Variants in POM121 observed in about 807,000 individuals in gnomAD.
POM121 encodes the protein nuclear envelope pore membrane protein POM 121.
POM121 carries 32 observed loss-of-function variants against 81.3 expected under a neutral mutation model. That is an observed-to-expected ratio of 0.39 (90% CI 0.30 to 0.53). POM121 has a LOEUF of 0.53. POM121 is among the 20% of genes least tolerant of loss of function. The pLI is 0.66. For missense variants in POM121, 1,138 were observed against 1,614.6 expected, an observed-to-expected ratio of 0.70 and a Z score of 5.06; for synonymous variants, 514 against 694.2, an observed-to-expected ratio of 0.74 and a Z score of 4.08.
exon 2 of POM121, chr7:72,890,683 A>T (rs1791217540): frequency 1.4e-5 from 22 of 1,601,392 alleles, no homozygotes; most frequent in Non-Finnish European, 1.8e-5. Flanking sequence ...AGTGGTGGCA[A>T]CTGGACCCTG....
At chr7:72,894,438 C>G (rs1169583223) in intron 3 of POM121, among the ~76,000 whole-genome samples, 1 of 151,724 alleles carries the variant, frequency 6.6e-6, no homozygotes, top group African/African-American at 2.4e-5. Context: ...ATTAGCTGGG[C>G]GTGGTGGCAG....
chr7:72,935,885 T>C (rs1450545796), intron 5 of POM121, among the ~76,000 whole-genome samples: 1 of 152,264 alleles, frequency 6.6e-6, no homozygotes, highest in African/African-American at 2.4e-5. Context: ...ACTGATTTTG[T>C]ATTCAGAAAG....
At chr7:72,895,630 A>G (rs1554491614) in intron 3 of POM121, among the ~76,000 whole-genome samples, 1 of 152,206 alleles carries the variant, frequency 6.6e-6, no homozygotes, top group African/African-American at 2.4e-5. Flanking sequence ...ATCTAAATAT[A>G]TCATTTAGGC....
chr7:72,880,235 C>T (rs1554489091), intron 1 of POM121, among the ~76,000 whole-genome samples: 1 of 152,158 alleles, frequency 6.6e-6, no homozygotes, highest in East Asian at 1.9e-4. Flanking sequence ...TGCTGATCAC[C>T]CCCTTATATC....
At chr7:72,879,709 C>T (rs1485905995) in exon 1 of POM121, 1 of 447,934 alleles carries the variant, frequency 2.2e-6, no homozygotes, top group Non-Finnish European at 4.4e-6. Context: ...GATCTGGGCC[C>T]CGAGAAGGAC....
rs782691512 is a variant in POM121 at position 72,943,086 on chromosome 7, C to T, written c.3093C>T (p.Gly1031=). Residue 1031 remains glycine (G), a synonymous_variant, in exon 11 of 13, where the codon GGC becomes GGT. Transcript: ENST00000434423. ...CTACGCCCATCCATCCTATCTTTGG[C>T]GGTGCCACGCACTCGGCGTTTGGGT... is the stretch of plus-strand genomic sequence containing the variant. ...YVPTPIHPIF[G]GATHSAFGLK... is the part of the protein sequence containing the mutation. The T allele has an allele frequency of 2.3e-5, 37 of 1,613,618 alleles. No individual in the cohort carries two copies. Among genetic ancestry groups the T allele is most frequent in the South Asian group, 6.6e-5 (6 of 91,082 alleles).
At position 72,927,778 on chromosome 7, in the gene POM121, T is replaced by C. The variant is rs190683081; in HGVS notation, c.1023-607T>C. ...TGGAATAAATAAATAGTTTTCTAAG[T>C]ATAGAAAGAAAGGAAGTTGAAGTGG... is the stretch of plus-strand genomic sequence containing the variant. On this transcript the variant is annotated intron_variant, in intron 3 of 12. Coordinates refer to ENST00000434423, the MANE Select transcript of POM121 (RefSeq NM_001387691.1). 2.7e-4 allele frequency among the ~76,000 whole-genome samples: 41 copies of C among 152,022 alleles called. No individual in the cohort carries two copies. The East Asian group carries it at 7.6e-3, about 28-fold the overall frequency.
intron 3 of POM121, among the ~76,000 whole-genome samples, chr7:72,913,171 T>C (rs1793969579): frequency 6.6e-6 from 1 of 151,970 alleles, no homozygotes; most frequent in Non-Finnish European, 1.5e-5. Context: ...TGGGAGAAAA[T>C]CAGCTCCATC....
chr7:72,888,489 C>T (rs1480398685), intron 1 of POM121, among the ~76,000 whole-genome samples: 4 of 152,210 alleles, frequency 2.6e-5, no homozygotes, highest in African/African-American at 9.6e-5. Context: ...GGATTACAGG[C>T]GTGAGCCACT....
At position 72,905,228 on chromosome 7, in the gene POM121, A is replaced by T. The variant is rs556240936; in HGVS notation, c.-215-8537A>T. Among the ~76,000 whole-genome samples the T allele has an allele frequency of 3.3e-3, 506 of 152,266 alleles. 4 individuals are homozygous for T. Among genetic ancestry groups the T allele is most frequent in the African/African-American group, 0.012 (494 of 41,532 alleles). On this transcript the variant is annotated intron_variant, in intron 3 of 15. Transcript: ENST00000395270. ...TCAACACGTTATATTTTCACTTTTAAATAATTCAATATGTTTTCCAGTTTC... is the reference window on the plus strand; with the variant it reads ...TCAACACGTTATATTTTCACTTTTATATAATTCAATATGTTTTCCAGTTTC...
chr7:72,894,482 G>A (rs1309779267), intron 3 of POM121, among the ~76,000 whole-genome samples: 2 of 151,724 alleles, frequency 1.3e-5, no homozygotes, highest in Non-Finnish European at 2.9e-5. Context: ...GGAGGCTGAG[G>A]CAGGAGAATC....
At chr7:72,903,597 A>G (rs573758956) in intron 3 of POM121, among the ~76,000 whole-genome samples, 65 of 152,166 alleles carry the variant, frequency 4.3e-4, no homozygotes, top group African/African-American at 1.4e-3. Context: ...TACATGTGCA[A>G]TCTCTGAAAG....
At position 72,942,955 on chromosome 7, in the gene POM121, G is replaced by A. The variant is rs141024045; in HGVS notation, c.2962G>A (p.Ala988Thr). The change falls in exon 11 of 13, where the codon GCC becomes ACC. Residue 988 changes from alanine (A) to threonine (T), a missense_variant. This residue lies in a region of POM121 where 45 missense variants were observed against 75.7 expected (regional missense o/e 0.59). Transcript: ENST00000434423. The part of the protein sequence containing the change: ...QPPGAAKPAL[A>T]PSFGSSFTFG... ...ACCGGGGGCCGCCAAGCCGGCCCTT[G>A]CCCCCAGCTTTGGCAGCTCTTTCAC... is the stretch of plus-strand genomic sequence containing the variant. 9.8e-3 allele frequency: 15,527 copies of A among 1,580,150 alleles called. 364 individuals are homozygous for A. The East Asian group carries it at 0.13, about 13-fold the overall frequency.
chr7:72,910,008 C>CTG (rs1166926511), intron 3 of POM121, among the ~76,000 whole-genome samples: 2 of 152,194 alleles, frequency 1.3e-5, no homozygotes, highest in Non-Finnish European at 2.9e-5. Context: ...AAAGCTTTTG[C>CTG]TGTGTTGATC....
upstream of POM121, chr7:72,924,998 G>C (rs1586144854): frequency 1.5e-6 from 2 of 1,325,624 alleles, no homozygotes; most frequent in Non-Finnish European, 1.9e-6. Flanking sequence ...TTGGGTCTCG[G>C]GCGCTGCCGG....
chr7:72,945,506 C>T lies in POM121; in HGVS notation c.3530-80C>T, dbSNP rs575974293. The T allele has an allele frequency of 1.3e-3, 2,011 of 1,559,206 alleles. 7 individuals carry two copies. Among genetic ancestry groups the T allele is most frequent in the East Asian group, 4.2e-3 (181 of 43,602 alleles). ...TGAGGGTCCCGTGGGAAGTGCCCTG[C>T]GGAGCACAGGCTCCTGCCCGGCTCC... On this transcript the variant is annotated intron_variant, in intron 11 of 12. Coordinates refer to ENST00000434423, the MANE Select transcript of POM121 (RefSeq NM_001387691.1).
chr7:72,926,797 T>C lies in POM121; in HGVS notation c.861-5T>C, dbSNP rs1360953994. 6.2e-7 allele frequency: 1 copy of C among 1,613,246 alleles called. No individual in the cohort carries two copies. Among genetic ancestry groups the C allele is most frequent in the Admixed American group, 1.7e-5 (1 of 59,882 alleles). Reference sequence around the variant, plus strand: ...TTACAGCTAGAATCTTGTCTTTCATTGTAGACCAGAGCAGATAATCAGCTC... The same window carrying C: ...TTACAGCTAGAATCTTGTCTTTCATCGTAGACCAGAGCAGATAATCAGCTC... On this transcript the variant is annotated splice_region_variant and splice_polypyrimidine_tract_variant and intron_variant, in intron 2 of 12. Coordinates refer to ENST00000434423, the MANE Select transcript of POM121 (RefSeq NM_001387691.1).
intron 1 of POM121, among the ~76,000 whole-genome samples, chr7:72,889,265 C>T (rs1229966319): frequency 6.6e-6 from 1 of 152,220 alleles, no homozygotes; most frequent in Non-Finnish European, 1.5e-5. Context: ...GTTTCTCAGC[C>T]CACCAGCCTA....
intron 1 of POM121, among the ~76,000 whole-genome samples, chr7:72,882,186 G>T (rs1293374311): frequency 1.7e-4 from 26 of 152,178 alleles, no homozygotes; most frequent in Non-Finnish European, 2.9e-5. Context: ...AAAGAAAAGA[G>T]GTTTAATTGG....
Sources: allele counts gnomAD v4.1 joint callset (sites outside exome capture counted in the v4.1 genomes callset), GRCh38; gene constraint gnomAD v4.1.1; regional missense constraint gnomAD v4.1.1; transcripts MANE v1.5; gene names NCBI Gene and HGNC (gene_info 2026-07-23, HGNC 2026-07-21).